DNALI1: variants seen among roughly 807,000 people sequenced by gnomAD.
The protein encoded by DNALI1 is dynein axonemal light intermediate chain 1.
Under a neutral mutation model 33.9 loss-of-function variants are expected in DNALI1, and 31 were observed. The observed-to-expected ratio is 0.91, with a 90% confidence interval of 0.69 to 1.23. DNALI1 has a LOEUF of 1.23. Among genes scored for constraint, DNALI1 ranks in the 50% most tolerant of loss-of-function variants. The pLI is 0.00. For synonymous variants in DNALI1, 117 were observed against 129.2 expected (o/e 0.91, Z 0.64); for missense variants, 305 against 323.8 (o/e 0.94, Z 0.44).
At chr1:37,557,948 C>T in intron 2 of DNALI1, 200 bp downstream of exon 2, 1 of 657,944 alleles carries the variant, frequency 1.5e-6, no homozygotes, top group Non-Finnish European at 2.5e-6. Flanking sequence ...TTCCTGCATG[C>T]TGTCACCCAA....
Position 37,557,684 on chromosome 1 carries a change from A to G in DNALI1, c.163A>G (p.Thr55Ala). 6.2e-7 allele frequency: 1 copy of G among 1,613,724 alleles called. No homozygotes were observed. Among genetic ancestry groups the G allele is most frequent in the Non-Finnish European group, 8.5e-7 (1 of 1,179,910 alleles). The stretch of plus-strand genomic sequence containing the variant: ...GCCACCCAAGACCAAGCTCCCCTCA[A>G]CTCCCTGTGTCCCAGATCCTACAAA... ...PQPPKTKLPSTPCVPDPTKQA... is the reference protein window; with the variant it reads ...PQPPKTKLPSAPCVPDPTKQA... The change falls in exon 2 of 6, where the codon ACT becomes GCT. Residue 55 changes from threonine (T) to alanine (A), a missense_variant. Thr to Ala is a moderately conservative substitution (Grantham distance 58). Coordinates refer to ENST00000652629, the MANE Select transcript of DNALI1 (RefSeq NM_003462.5).
chr1:37,561,539 G>A lies in DNALI1; in HGVS notation c.398-18G>A, dbSNP rs896589802. ...TCCCCACGCCCTGTCTGATCTCATG[G>A]TGTGTGTGCATTGGAAGATGAGTTG... On this transcript the variant is annotated intron_variant, in intron 3 of 5. Coordinates refer to ENST00000652629, the MANE Select transcript of DNALI1 (RefSeq NM_003462.5). This position sits in a 1 kb window ranked among gnomAD's most constrained non-coding sequence, Gnocchi z 4.6. The A allele has an allele frequency of 1.1e-5, 17 of 1,612,592 alleles. 2 individuals are homozygous for A. The highest frequency in any genetic ancestry group is 1.7e-5 in the Admixed American group (1 of 59,922).
rs148524948 is a variant in DNALI1, at chr1:37,562,177, C to T, written c.673C>T (p.Arg225Trp). The T allele has an allele frequency of 1.1e-4, 171 of 1,613,884 alleles. No individual in the cohort carries two copies. The highest frequency in any genetic ancestry group is 1.1e-4 in the Non-Finnish European group (128 of 1,179,932). Residue 225 changes from arginine (R) to tryptophan (W), a missense_variant, in exon 5 of 6, where the codon CGG becomes TGG. Arg to Trp is a moderately radical substitution (Grantham distance 101). Coordinates refer to ENST00000652629, the MANE Select transcript of DNALI1 (RefSeq NM_003462.5). This position sits in a 1 kb window ranked among gnomAD's most constrained non-coding sequence, Gnocchi z 5.8. ...EATEKRESER[R>W]QVEEKKHNEE... ...CACTGAGAAGCGGGAGAGCGAGAGG[C>T]GGCAGGTGGAGGAGAAGAAGCACAA...
Position 37,566,830 on chromosome 1 carries a change from TA to T in DNALI1, c.*1771del. The T allele has an allele frequency of 6.2e-7, 1 of 1,604,246 alleles. No individual in the cohort carries two copies. Among genetic ancestry groups the T allele is most frequent in the South Asian group, 1.1e-5 (1 of 90,212 alleles). ...CAATTTCTAACTGCCTGTTTTTGTA[TA>T]ATTTAATAAAAACCTTTTAAACATT... On this transcript the variant is annotated 3_prime_UTR_variant, in exon 6 of 6. Coordinates refer to ENST00000652629, the MANE Select transcript of DNALI1 (RefSeq NM_003462.5).
rs946256528 is a variant in DNALI1, at chr1:37,559,397, G to T, written c.298G>T (p.Val100Leu). 1.2e-6 allele frequency: 2 copies of T among 1,613,224 alleles called. No individual in the cohort carries two copies. The highest frequency in any genetic ancestry group is 2.2e-5 in the South Asian group (2 of 91,002). The change falls in exon 3 of 6, where the codon GTG becomes TTG. Residue 100 changes from valine (V) to leucine (L), a missense_variant. Val to Leu is a conservative substitution (Grantham distance 32, BLOSUM62 1). Coordinates refer to ENST00000652629, the MANE Select transcript of DNALI1 (RefSeq NM_003462.5). The surrounding 1 kb of genome is among the most constrained non-coding windows in gnomAD (Gnocchi z 5.3). ...SSTPSTRMDVVHLQEQLDLKL... is the reference protein window; with the variant it reads ...SSTPSTRMDVLHLQEQLDLKL... ...CACCCCTAGCACCAGGATGGACGTGGTGCACCTCCAGGAGCAGTTAGACTT... is the reference window on the plus strand; with the variant it reads ...CACCCCTAGCACCAGGATGGACGTGTTGCACCTCCAGGAGCAGTTAGACTT...
chr1:37,560,662 A>G (rs1320695206), intron 3 of DNALI1: 1 of 152,216 alleles, frequency 6.6e-6, no homozygotes, highest in African/African-American at 2.4e-5. Context: ...TCTTTTCCCT[A>G]CACCAGCCCC....
rs1423937749 is a variant in DNALI1, at chr1:37,561,189, A to G, written c.398-368A>G. On this transcript the variant is annotated intron_variant, in intron 3 of 5. Transcript: ENST00000652629. This position sits in a 1 kb window ranked among gnomAD's most constrained non-coding sequence, Gnocchi z 4.6. The stretch of plus-strand genomic sequence containing the variant: ...CACACAGGATGTCCCAGCTGCTTTA[A>G]AACAGCTGCCATCTTTAAACAGAAA... The G allele has an allele frequency of 9.4e-6, 2 of 212,662 alleles. No homozygotes were observed. The highest frequency in any genetic ancestry group is 1.9e-5 in the Non-Finnish European group (2 of 103,190). 13.2% of individuals were successfully genotyped at this position (212,662 alleles called of 1,614,324 possible). A position where few individuals can be genotyped will look rare whatever the true frequency, so the allele number is the denominator to read the frequency against.
At chr1:37,560,051 A>G (rs932169860) in intron 3 of DNALI1, among the ~76,000 whole-genome samples, 1 of 152,242 alleles carries the variant, frequency 6.6e-6, no homozygotes, top group African/African-American at 2.4e-5. Flanking sequence ...GTAAAGAGTA[A>G]CAGAGCAGCA....
chr1:37,559,663 C>T lies in DNALI1; in HGVS notation c.397+167C>T, dbSNP rs183768853. 6.6e-6 allele frequency among the ~76,000 whole-genome samples: 1 copy of T among 152,296 alleles called. No individual in the cohort carries two copies. The highest frequency in any genetic ancestry group is 1.9e-4 in the East Asian group (1 of 5,162). Reference sequence around the variant, plus strand: ...CCCAGCAACAGCTAACTGCCCCCTTCCCCTTCCCAGCTGAAGGGGGCCAGC... The same window carrying T: ...CCCAGCAACAGCTAACTGCCCCCTTTCCCTTCCCAGCTGAAGGGGGCCAGC... On this transcript the variant is annotated intron_variant, in intron 3 of 5. Coordinates refer to ENST00000652629, the MANE Select transcript of DNALI1 (RefSeq NM_003462.5). The surrounding 1 kb of genome is among the most constrained non-coding windows in gnomAD (Gnocchi z 5.3).
chr1:37,561,620 G>A lies in DNALI1; in HGVS notation c.461G>A (p.Arg154Gln), dbSNP rs749249059. ...AGGGGGCTGCTGCTGCTGCGAGTCC[G>A]GGACGAGATCCGCATGACCATCGCT... ...AERGLLLLRV[R>Q]DEIRMTIAAY... The change falls in exon 4 of 6, where the codon CGG (arginine) becomes CAG (glutamine). Residue 154 changes from arginine to glutamine, a missense_variant. Transcript: ENST00000652629. The surrounding 1 kb of genome is among the most constrained non-coding windows in gnomAD (Gnocchi z 4.6). The A allele has an allele frequency of 1.1e-5, 17 of 1,613,686 alleles. No homozygotes were observed. The African/African-American group carries it at 1.2e-4, about 11-fold the overall frequency.
chr1:37,566,626 T>C lies in DNALI1; in HGVS notation c.*1565T>C, dbSNP rs937005502. Reference sequence around the variant, plus strand: ...AGACAGTTATATGACAGGGTGACTGTGGAACCTCTTAGTTCATCCAAAGTC... The same window carrying C: ...AGACAGTTATATGACAGGGTGACTGCGGAACCTCTTAGTTCATCCAAAGTC... On this transcript the variant is annotated 3_prime_UTR_variant, in exon 6 of 6. Coordinates refer to ENST00000652629, the MANE Select transcript of DNALI1 (RefSeq NM_003462.5). 12 of 513,530 alleles carry C rather than the reference T, an allele frequency of 2.3e-5. No individual in the cohort carries two copies. Among genetic ancestry groups the C allele is most frequent in the South Asian group, 1.2e-4 (4 of 33,286 alleles). The allele number at this position is 513,530 out of a possible 1,614,324, so 31.8% of individuals were successfully genotyped here. A position where few individuals can be genotyped will look rare whatever the true frequency, so the allele number is the denominator to read the frequency against.
chr1:37,558,409 T>C (rs766872380), intron 2 of DNALI1, among the ~76,000 whole-genome samples: 16 of 152,188 alleles, frequency 1.1e-4, no homozygotes, highest in Non-Finnish European at 1.8e-4. Flanking sequence ...ATACAGCCCC[T>C]AAGTCATAAG....
In DNALI1 at chr1:37,562,266, G is replaced by T; in HGVS notation, c.741+21G>T. On this transcript the variant is annotated intron_variant, in intron 5 of 5. Transcript: ENST00000652629. The surrounding 1 kb of genome is among the most constrained non-coding windows in gnomAD (Gnocchi z 5.8). ...TGAAGGTAATCAACGCGCAGGGTGG[G>T]GTGGAGGTGCCCCCTGCCCTGCGAC... 2.5e-6 allele frequency: 4 copies of T among 1,604,410 alleles called. No homozygotes were observed. Among genetic ancestry groups the T allele is most frequent in the Non-Finnish European group, 3.4e-6 (4 of 1,175,412 alleles).
intron 5 of DNALI1, among the ~76,000 whole-genome samples, chr1:37,563,030 T>C (rs1011050430): frequency 2.0e-5 from 3 of 152,258 alleles, no homozygotes; most frequent in Admixed American, 6.5e-5. Flanking sequence ...CAGGTGATTC[T>C]AATGTTTGCA....
At chr1:37,566,857 ACTG>A (rs1557635081), downstream of DNALI1, 22 of 1,612,370 alleles carry the variant, frequency 1.4e-5, no homozygotes, top group Non-Finnish European at 1.7e-5. Flanking sequence ...TTTAAACATT[ACTG>A]CTTTTGTCTG....
rs779120909 is a variant in DNALI1, at chr1:37,556,966, G to T, written c.-29G>T. 7.2e-5 allele frequency: 117 copies of T among 1,614,148 alleles called. No individual in the cohort carries two copies. Among genetic ancestry groups the T allele is most frequent in the Non-Finnish European group, 9.6e-5 (113 of 1,180,062 alleles). On this transcript the variant is annotated 5_prime_UTR_variant, in exon 1 of 6. Coordinates refer to ENST00000652629, the MANE Select transcript of DNALI1 (RefSeq NM_003462.5). ...AACAAGGCCCACACTGGACAGGGCA[G>T]CTGCTGGGTTGCTACTCTCGCCTCC...
At chr1:37,564,978 T>A in intron 5 of DNALI1, 48 bp from the exon 6 acceptor site, 4 of 1,602,858 alleles carry the variant, frequency 2.5e-6, no homozygotes, top group Non-Finnish European at 3.4e-6. Context: ...GCTATTTGTA[T>A]CAGGCTGCAA....
chr1:37,559,848 T>C lies in DNALI1; in HGVS notation c.397+352T>C, dbSNP rs896927881. Among the ~76,000 whole-genome samples, 10 of 152,186 alleles carry C rather than the reference T, an allele frequency of 6.6e-5. No homozygotes were observed. The highest frequency in any genetic ancestry group is 6.5e-4 in the Admixed American group (10 of 15,284). On this transcript the variant is annotated intron_variant, in intron 3 of 5. Transcript: ENST00000652629. This position sits in a 1 kb window ranked among gnomAD's most constrained non-coding sequence, Gnocchi z 5.3. ...ACTGGTCTCTGAGTTTCCTCAGTAT[T>C]TATTGATTACTATTTTCACTATCTC...
chr1:37,557,548 G>C (rs1305440600), intron 1 of DNALI1, 55 bp from the exon 2 acceptor site: 1 of 1,577,122 alleles, frequency 6.3e-7, no homozygotes, highest in African/African-American at 1.4e-5. Context: ...GGTTGGGGAT[G>C]TGTGGAGCTG....
Sources: allele counts gnomAD v4.1 joint callset (sites outside exome capture counted in the v4.1 genomes callset), GRCh38; gene constraint gnomAD v4.1.1; non-coding constraint Gnocchi (gnomAD v3.1); transcripts MANE v1.5; gene names NCBI Gene and HGNC (gene_info 2026-07-23, HGNC 2026-07-21).